Variants in CNGA3 observed in about 807,000 individuals in gnomAD.
CNGA3 encodes the protein cyclic nucleotide-gated channel alpha-3.
In CNGA3, 42 loss-of-function variants were observed where a neutral mutation model predicts 46.6. That is an observed-to-expected ratio of 0.90 (90% CI 0.70 to 1.17). CNGA3 has a LOEUF of 1.17. Among genes scored for constraint, CNGA3 ranks in the 50% most tolerant of loss-of-function variants. The probability of loss-of-function intolerance (pLI) is 0.00; values close to 1 mark genes in which losing one functional copy is unlikely to be tolerated. For synonymous variants in CNGA3, 394 were observed against 369.4 expected, an observed-to-expected ratio of 1.07 and a Z score of -0.76; for missense variants, 893 against 890.7, an observed-to-expected ratio of 1.00 and a Z score of -0.03.
At chr2:98,392,724 C>G (rs1337899356) in intron 7 of CNGA3, among the ~76,000 whole-genome samples, 2 of 152,154 alleles carry the variant, frequency 1.3e-5, no homozygotes, top group Non-Finnish European at 2.9e-5. Flanking sequence ...CTTGGACAGT[C>G]AGCAGATACA....
In CNGA3 at chr2:98,396,938, G is replaced by A. The variant is rs763041373; in HGVS notation, c.1768G>A (p.Glu590Lys). The A allele has an allele frequency of 2.7e-5, 43 of 1,613,984 alleles. No individual in the cohort carries two copies. Among genetic ancestry groups the A allele is most frequent in the South Asian group, 6.6e-5 (6 of 91,080 alleles). The change falls in exon 8 of 8, where the codon GAG (glutamate) becomes AAG (lysine). Residue 590 changes from glutamate to lysine, a missense_variant. This residue lies in a region of CNGA3 where 548 missense variants were observed against 570.8 expected (regional missense o/e 0.96). Transcript: ENST00000272602. Reference sequence around the variant, plus strand: ...GGACGATCTCATGGAGGCCCTCACCGAGTACCCCGAAGCCAAGAAGGCCCT... The same window carrying A: ...GGACGATCTCATGGAGGCCCTCACCAAGTACCCCGAAGCCAAGAAGGCCCT... ...SKDDLMEALT[E>K]YPEAKKALEE...
intron 4 of CNGA3, 82 bp downstream of exon 4, chr2:98,380,436 G>C (rs949701452): frequency 9.9e-6 from 15 of 1,522,562 alleles, no homozygotes; most frequent in Non-Finnish European, 1.3e-5. Flanking sequence ...ATCCTGTTTG[G>C]ATGCAGCACA....
At chr2:98,349,842 G>C (rs2106067263) in intron 1 of CNGA3, among the ~76,000 whole-genome samples, 1 of 152,342 alleles carries the variant, frequency 6.6e-6, no homozygotes, top group East Asian at 1.9e-4. Context: ...CAGTAAGGGA[G>C]AGGGAGGAGT....
intron 2 of CNGA3, among the ~76,000 whole-genome samples, chr2:98,375,429 C>T (rs951947656): frequency 1.3e-5 from 2 of 152,202 alleles, no homozygotes; most frequent in Admixed American, 1.3e-4. Flanking sequence ...CACCACCACC[C>T]CCATGCCAGC....
Position 98,389,685 on chromosome 2 carries a change from C to T in CNGA3, c.477C>T (p.Ile159=), listed in dbSNP as rs150944260. 1.1e-4 allele frequency: 179 copies of T among 1,613,868 alleles called. 1 individual carries two copies. In the South Asian group the frequency reaches 1.4e-3, roughly 13 times the overall value. ...EEKKTKKKDA[I]VVDPSSNLYY... Reference sequence around the variant, plus strand: ...AGAAGACGAAAAAGAAGGATGCGATCGTGGTGGACCCGTCCAGCAACCTGT... The same window carrying T: ...AGAAGACGAAAAAGAAGGATGCGATTGTGGTGGACCCGTCCAGCAACCTGT... Residue 159 remains isoleucine (I), a synonymous_variant, in exon 6 of 8, where the codon ATC becomes ATT. Transcript: ENST00000272602.
chr2:98,375,081 T>A (rs1692373847), intron 2 of CNGA3, among the ~76,000 whole-genome samples: 1 of 152,200 alleles, frequency 6.6e-6, no homozygotes, highest in African/African-American at 2.4e-5. Context: ...TCCCCCTGAG[T>A]GGGCATCATA....
At chr2:98,375,564 A>G (rs748563426) in intron 2 of CNGA3, among the ~76,000 whole-genome samples, 4 of 152,254 alleles carry the variant, frequency 2.6e-5, no homozygotes, top group Non-Finnish European at 5.9e-5. Context: ...TCTGGACTGC[A>G]GCAGGGTCTC....
intron 5 of CNGA3, among the ~76,000 whole-genome samples, chr2:98,384,056 T>C (rs781743114): frequency 1.3e-5 from 2 of 151,954 alleles, no homozygotes; most frequent in African/African-American, 4.8e-5. Context: ...CCGGCTAGTT[T>C]TTTTGTATTT....
chr2:98,396,998 A>G lies in CNGA3; in HGVS notation c.1828A>G (p.Asn610Asp). 3 of 1,614,052 alleles carry G rather than the reference A, an allele frequency of 1.9e-6. No homozygotes were observed. The highest frequency in any genetic ancestry group is 2.5e-6 in the Non-Finnish European group (3 of 1,179,952). ...EKGRQILMKD[N>D]LIDEELARAG... is the part of the protein sequence containing the mutation. ...AGGACGGCAGATCCTGATGAAAGAC[A>G]ACCTGATCGATGAGGAGCTGGCCAG... Residue 610 changes from asparagine to aspartate, a missense_variant, in exon 8 of 8, where the codon AAC becomes GAC. By Grantham distance (23) the Asn-to-Asp change is conservative. Around this residue, in one of 3 missense-constraint regions of CNGA3, gnomAD observed 548 missense variants for 570.8 expected, o/e 0.96. Transcript: ENST00000272602.
intron 1 of CNGA3, among the ~76,000 whole-genome samples, chr2:98,352,857 T>C (rs1188097560): frequency 6.6e-6 from 1 of 152,240 alleles, no homozygotes; most frequent in African/African-American, 2.4e-5. Flanking sequence ...CAGCAGCTCA[T>C]GGGCTTCTCA....
intron 2 of CNGA3, among the ~76,000 whole-genome samples, chr2:98,376,277 A>C (rs1692404005): frequency 6.6e-6 from 1 of 152,164 alleles, no homozygotes; most frequent in Admixed American, 6.5e-5. Flanking sequence ...CCAGTCAAGC[A>C]AGACCCCAGG....
intron 1 of CNGA3, among the ~76,000 whole-genome samples, chr2:98,356,901 G>T (rs1350867250): frequency 6.6e-6 from 1 of 152,114 alleles, no homozygotes; most frequent in African/African-American, 2.4e-5. Flanking sequence ...AATTCCAAGT[G>T]GAATGGAAAT....
intron 5 of CNGA3, among the ~76,000 whole-genome samples, chr2:98,386,467 A>C (rs1372652339): frequency 6.6e-6 from 1 of 151,728 alleles, no homozygotes; most frequent in Non-Finnish European, 1.5e-5. Flanking sequence ...CCCTGCACAG[A>C]CTCTTTGCGT....
At chr2:98,369,427 A>C (rs895622583) in intron 1 of CNGA3, among the ~76,000 whole-genome samples, 1 of 152,150 alleles carries the variant, frequency 6.6e-6, no homozygotes, top group African/African-American at 2.4e-5. Flanking sequence ...GATTAATGAG[A>C]TGAATCGTGT....
chr2:98,396,101 CTCA>C lies in CNGA3; in HGVS notation c.940_942del (p.Ile314del), dbSNP rs777878533. 6.8e-6 allele frequency: 11 copies of C among 1,614,242 alleles called. No homozygotes were observed. Among genetic ancestry groups the C allele is most frequent in the Admixed American group, 6.7e-5 (4 of 60,026 alleles). ...GATTGGGAACTTGGTCTTGTACATT[CTCA>C]TCATCATCCACTGGAATGCCTGCAT... On this transcript the variant is annotated inframe_deletion, in exon 8 of 8. Coordinates refer to ENST00000272602, the MANE Select transcript of CNGA3 (RefSeq NM_001298.3).
rs191063753 is a variant in CNGA3 at position 98,373,039 on chromosome 2, G to A, written c.101+2963G>A. 1.1e-4 allele frequency among the ~76,000 whole-genome samples: 16 copies of A among 152,268 alleles called. No individual in the cohort carries two copies. The East Asian group carries it at 1.7e-3, about 17-fold the overall frequency. The stretch of plus-strand genomic sequence containing the variant: ...GAGCTATGCTTTATCTTACAGAGGC[G>A]AGACTGGCTTTAACAGCCAGAAATT... On this transcript the variant is annotated intron_variant, in intron 2 of 7. Coordinates refer to ENST00000272602, the MANE Select transcript of CNGA3 (RefSeq NM_001298.3).
At chr2:98,366,951 A>G (rs910052788) in intron 1 of CNGA3, among the ~76,000 whole-genome samples, 1 of 152,090 alleles carries the variant, frequency 6.6e-6, no homozygotes, top group African/African-American at 2.4e-5. Context: ...TTTCCTGGGT[A>G]GGGTAGCACA....
At position 98,370,289 on chromosome 2, in the gene CNGA3, A is replaced by G. The variant is rs1055464601; in HGVS notation, c.101+213A>G. Reference sequence around the variant, plus strand: ...CTGTATTCTTGTTTTAGAGATGTGGAAAAGCAGGCTTAAATAGTCACTTAA... The same window carrying G: ...CTGTATTCTTGTTTTAGAGATGTGGGAAAGCAGGCTTAAATAGTCACTTAA... On this transcript the variant is annotated intron_variant, in intron 2 of 7. Coordinates refer to ENST00000272602, the MANE Select transcript of CNGA3 (RefSeq NM_001298.3). 3.3e-5 allele frequency among the ~76,000 whole-genome samples: 5 copies of G among 152,246 alleles called. No homozygotes were observed. In the East Asian group the frequency reaches 9.6e-4, roughly 29 times the overall value.
At chr2:98,377,960 T>A (rs1238113612) in intron 3 of CNGA3, 160 bp downstream of exon 3, 3 of 1,392,940 alleles carry the variant, frequency 2.2e-6, no homozygotes, top group Non-Finnish European at 2.9e-6. Flanking sequence ...GTGAGTAATT[T>A]CCTCTTGGGT....
Sources: gnomAD v4.1 joint callset for allele counts (sites outside exome capture counted in the v4.1 genomes callset) on GRCh38, gnomAD v4.1.1 for gene constraint, gnomAD v4.1.1 regional missense constraint, MANE v1.5 for transcripts, NCBI Gene and HGNC (gene_info 2026-07-23, HGNC 2026-07-21) for gene names.